Variants in PHACTR4 observed in about 807,000 individuals in gnomAD.
PHACTR4 encodes the protein protein phosphatase 1, regulatory subunit 124.
PHACTR4 carries 51 observed loss-of-function variants against 72.7 expected under a neutral mutation model. The observed-to-expected ratio is 0.70, with a 90% CI of 0.56 to 0.89. The LOEUF (loss-of-function observed/expected upper bound fraction) is 0.89. Among genes scored for constraint, PHACTR4 ranks in the 40% least tolerant of loss-of-function variants. The pLI is 0.00. For missense variants in PHACTR4, 731 were observed against 861.8 expected (o/e 0.85, Z 1.90); for synonymous variants, 255 against 302.5 (o/e 0.84, Z 1.63).
In PHACTR4 at chr1:28,455,000, T is replaced by C. The variant is rs546291011; in HGVS notation, c.17-4085T>C. Among the ~76,000 whole-genome samples the C allele has an allele frequency of 5.9e-4, 90 of 151,792 alleles. 1 individual carries two copies. Among genetic ancestry groups the C allele is most frequent in the African/African-American group, 2.1e-3 (85 of 41,412 alleles). ...TCAGCCTCCCAAGTAGCTGGGATTA[T>C]AGGTGCCTGCCACCATACTCAGCTA... is the stretch of plus-strand genomic sequence containing the variant. On this transcript the variant is annotated intron_variant, in intron 2 of 13. Transcript: ENST00000373839.
At chr1:28,483,201 C>T (rs929211590) in intron 9 of PHACTR4, among the ~76,000 whole-genome samples, 3 of 151,120 alleles carry the variant, frequency 2.0e-5, no homozygotes, top group Admixed American at 6.6e-5. Context: ...CCCAGGAGTT[C>T]GAGGCAACAT....
At chr1:28,444,597 A>C (rs1200412403) in intron 2 of PHACTR4, among the ~76,000 whole-genome samples, 1 of 149,888 alleles carries the variant, frequency 6.7e-6, no homozygotes, top group African/African-American at 2.4e-5. Flanking sequence ...CCATTTTTAT[A>C]TTATTTATTT....
chr1:28,370,969 G>C (rs1436600587), intron 1 of PHACTR4, among the ~76,000 whole-genome samples: 1 of 152,154 alleles, frequency 6.6e-6, no homozygotes, highest in Non-Finnish European at 1.5e-5. Flanking sequence ...GCCAGTTTAG[G>C]GGATGAGGTG....
At chr1:28,449,351 A>G (rs945898331) in intron 2 of PHACTR4, among the ~76,000 whole-genome samples, 5 of 152,128 alleles carry the variant, frequency 3.3e-5, no homozygotes, top group African/African-American at 9.7e-5. Flanking sequence ...ATATATATGT[A>G]TAATAAAATA....
intron 2 of PHACTR4, among the ~76,000 whole-genome samples, chr1:28,424,330 C>A (rs915922525): frequency 2.0e-5 from 3 of 150,364 alleles, no homozygotes; most frequent in African/African-American, 7.3e-5. Flanking sequence ...TAGCTGGAAC[C>A]ACAGGCATAT....
intron 2 of PHACTR4, among the ~76,000 whole-genome samples, chr1:28,416,812 G>T (rs575364905): frequency 2.0e-5 from 3 of 152,260 alleles, no homozygotes; most frequent in East Asian, 3.9e-4. Context: ...GGCTTTTAAA[G>T]TAATGCAATC....
intron 2 of PHACTR4, among the ~76,000 whole-genome samples, chr1:28,416,229 T>C (rs932762569): frequency 6.6e-6 from 1 of 152,120 alleles, no homozygotes. Context: ...TTTCTCCTAG[T>C]GGTCTTGATG....
Position 28,407,400 on chromosome 1 carries a change from C to G in PHACTR4, c.-38-10C>G. The G allele has an allele frequency of 6.5e-7, 1 of 1,532,876 alleles. No homozygotes were observed. Among genetic ancestry groups the G allele is most frequent in the Non-Finnish European group, 9.0e-7 (1 of 1,114,968 alleles). The allele number at this position is 1,532,876 out of a possible 1,614,324, so 95.0% of individuals were successfully genotyped here. Reference sequence around the variant, plus strand: ...TATTAAGTGTATCATTTACCTTTTTCTCTTTTTAGAAACAGTATCTCACCT... The same window carrying G: ...TATTAAGTGTATCATTTACCTTTTTGTCTTTTTAGAAACAGTATCTCACCT... On this transcript the variant is annotated splice_polypyrimidine_tract_variant and intron_variant, in intron 1 of 13. Transcript: ENST00000373839.
intron 2 of PHACTR4, among the ~76,000 whole-genome samples, chr1:28,441,233 T>A (rs984150977): frequency 9.2e-5 from 14 of 152,078 alleles, no homozygotes; most frequent in Admixed American, 2.0e-4. Context: ...AATTTTATTT[T>A]TTTTTTACTT....
rs112345135 is a variant in PHACTR4, at chr1:28,370,611, C to CAAAAAAAAAA, written c.-39+789_-39+798dup. On this transcript the variant is annotated intron_variant, in intron 1 of 13. Coordinates refer to ENST00000373839, the MANE Select transcript of PHACTR4 (RefSeq NM_001048183.3). ...CTTACAGGGCATCACTGATTGCTTG[C>CAAAAAAAAAA]AAAAAAAAAAAACCCTCCAGTGCTT... is the stretch of plus-strand genomic sequence containing the variant. 4.5e-4 allele frequency among the ~76,000 whole-genome samples: 59 copies of CAAAAAAAAAA among 130,202 alleles called. 1 individual carries two copies. Among genetic ancestry groups the CAAAAAAAAAA allele is most frequent in the African/African-American group, 1.6e-3 (54 of 33,094 alleles). 85.4% of individuals were successfully genotyped at this position (130,202 alleles called of 152,430 possible). A position where few individuals can be genotyped will look rare whatever the true frequency, so the allele number is the denominator to read the frequency against.
At chr1:28,486,400 C>A (rs1009516835) in intron 9 of PHACTR4, among the ~76,000 whole-genome samples, 4 of 152,034 alleles carry the variant, frequency 2.6e-5, no homozygotes, top group African/African-American at 9.7e-5. Flanking sequence ...TATGTTCATT[C>A]TTGCAATTGT....
intron 10 of PHACTR4, among the ~76,000 whole-genome samples, chr1:28,489,603 G>A (rs1436803238): frequency 2.6e-5 from 4 of 152,150 alleles, no homozygotes; most frequent in Admixed American, 6.5e-5. Flanking sequence ...TGAGGGCTGG[G>A]GCCCAAAGCA....
intron 5 of PHACTR4, among the ~76,000 whole-genome samples, 195 bp downstream of exon 5, chr1:28,466,044 T>A (rs900748345): frequency 6.6e-6 from 1 of 152,138 alleles, no homozygotes; most frequent in Non-Finnish European, 1.5e-5. Context: ...AAATTTGTGA[T>A]CCTCAAGAAG....
intron 2 of PHACTR4, among the ~76,000 whole-genome samples, chr1:28,421,438 G>A (rs1569895703): frequency 6.6e-6 from 1 of 150,818 alleles, no homozygotes; most frequent in South Asian, 2.1e-4. Context: ...TTTATCTTGC[G>A]GTAGCCAGAG....
intron 2 of PHACTR4, among the ~76,000 whole-genome samples, chr1:28,430,577 A>G (rs547119354): frequency 2.8e-3 from 428 of 152,284 alleles, no homozygotes; most frequent in Non-Finnish European, 5.5e-3. Flanking sequence ...TCTTTCCCCT[A>G]ATTATATATT....
rs1470625041 is a variant in PHACTR4 at position 28,480,479 on chromosome 1, A to G, written c.1635A>G (p.Lys545=). ...CTCTCGCCAACAAAGTGAAGAGGAA[A>G]GACACACTGGCAATGAAGTTGAACC... ...QSALANKVKR[K]DTLAMKLNHR... is the part of the protein sequence containing the mutation. The change falls in exon 9 of 14, where the codon AAA becomes AAG. Residue 545 remains lysine (K), a synonymous_variant. Coordinates refer to ENST00000373839, the MANE Select transcript of PHACTR4 (RefSeq NM_001048183.3). 3.7e-6 allele frequency: 6 copies of G among 1,614,134 alleles called. No individual in the cohort carries two copies. In the South Asian group the frequency reaches 5.5e-5, roughly 15 times the overall value.
intron 10 of PHACTR4, among the ~76,000 whole-genome samples, chr1:28,490,531 CAA>C (rs768760079): frequency 3.4e-5 from 4 of 117,024 alleles, no homozygotes; most frequent in African/African-American, 3.2e-5. Flanking sequence ...GACTCCATCT[CAA>C]AAAAAAAAAA....
intron 1 of PHACTR4, among the ~76,000 whole-genome samples, chr1:28,377,220 G>A (rs1256889414): frequency 6.6e-6 from 1 of 151,014 alleles, no homozygotes; most frequent in Non-Finnish European, 1.5e-5. Flanking sequence ...TTACAGGCGT[G>A]AGCCTCCGCA....
intron 2 of PHACTR4, among the ~76,000 whole-genome samples, chr1:28,433,614 C>T (rs1053121296): frequency 2.6e-5 from 4 of 151,442 alleles, no homozygotes; most frequent in African/African-American, 7.3e-5. Context: ...CCAGCCACCA[C>T]ACCCGGCTAC....
Sources: allele counts gnomAD v4.1 joint callset (sites outside exome capture counted in the v4.1 genomes callset), GRCh38; gene constraint gnomAD v4.1.1; transcripts MANE v1.5; gene names NCBI Gene and HGNC (gene_info 2026-07-23, HGNC 2026-07-21).